The following FSIP2 variants were observed in gnomAD, a reference collection of about 807,000 sequenced individuals.
The protein encoded by FSIP2 is fibrous sheath interacting protein 2.
FSIP2 carries 367 observed loss-of-function variants against 510.5 expected under a neutral mutation model. The observed-to-expected ratio is 0.72, with a 90% CI of 0.66 to 0.78. The LOEUF is 0.78. Ranked by LOEUF, FSIP2 falls within the 30% of genes least tolerant of loss-of-function variation. The pLI, the probability that FSIP2 is intolerant of heterozygous loss-of-function variation, is 0.00. For synonymous variants in FSIP2, 2,601 were observed against 2,732.2 expected (o/e 0.95, Z 1.50); for missense variants, 7,594 against 7,901.7 (o/e 0.96, Z 1.48).
chr2:185,781,297 G>A (rs1476131452), intron 13 of FSIP2, among the ~76,000 whole-genome samples: 2 of 152,106 alleles, frequency 1.3e-5, no homozygotes, highest in African/African-American at 2.4e-5. Flanking sequence ...TTATAAAGTA[G>A]GCTTTGTGTT....
chr2:185,785,871 C>A (rs1052369209), intron 14 of FSIP2, among the ~76,000 whole-genome samples: 2 of 151,872 alleles, frequency 1.3e-5, no homozygotes, highest in Non-Finnish European at 2.9e-5. Context: ...TGGTCAGATG[C>A]CTTGCTACTC....
rs1459960262 is a variant in FSIP2 at position 185,806,771 on chromosome 2, C to G, written c.17465C>G (p.Ala5822Gly). 1 of 1,611,648 alleles carries G rather than the reference C, an allele frequency of 6.2e-7. No homozygotes were observed. The highest frequency in any genetic ancestry group is 8.5e-7 in the Non-Finnish European group (1 of 1,178,540). Residue 5822 changes from alanine (A) to glycine (G), a missense_variant, in exon 17 of 23, where the codon GCC becomes GGC. Ala to Gly is a moderately conservative substitution (Grantham distance 60, BLOSUM62 0). Transcript: ENST00000424728. ...CQNVSDKQNQ[A>G]KLYDTAMKLI... Reference sequence around the variant, plus strand: ...AATGTTAGTGATAAGCAAAATCAAGCCAAACTCTATGACACTGCTATGAAA... The same window carrying G: ...AATGTTAGTGATAAGCAAAATCAAGGCAAACTCTATGACACTGCTATGAAA...
In FSIP2 at chr2:185,789,602, C is replaced by T. The variant is rs1396765113; in HGVS notation, c.2466C>T (p.Asp822=). The change falls in exon 16 of 23, where the codon GAC becomes GAT. Residue 822 remains aspartate (D), a synonymous_variant. Coordinates refer to ENST00000424728, the MANE Select transcript of FSIP2 (RefSeq NM_173651.4). Reference sequence around the variant, plus strand: ...ACCCAATGTGTGATATTGCAGAGGACATGGTGCATGCCATTTTAGAAAAGC... The same window carrying T: ...ACCCAATGTGTGATATTGCAGAGGATATGGTGCATGCCATTTTAGAAAAGC... ...TLDPMCDIAE[D]MVHAILEKLM... is the part of the protein sequence containing the mutation. The T allele has an allele frequency of 1.0e-5, 16 of 1,534,856 alleles. No homozygotes were observed. The highest frequency in any genetic ancestry group is 1.3e-5 in the Non-Finnish European group (15 of 1,145,886).
At chr2:185,797,840 G>A (rs1693328290) in intron 16 of FSIP2, 2 of 239,206 alleles carry the variant, frequency 8.4e-6, no homozygotes, top group Non-Finnish European at 1.6e-5. Context: ...CCACAGGCAT[G>A]CCACTGCACT....
At chr2:185,821,883 AC>A (rs1346896989) in intron 19 of FSIP2, among the ~76,000 whole-genome samples, 3 of 150,790 alleles carry the variant, frequency 2.0e-5, no homozygotes, top group Non-Finnish European at 4.4e-5. Flanking sequence ...CTGTGATCAC[AC>A]CACTTCGCTC....
At chr2:185,786,404 G>T in intron 15 of FSIP2, 116 bp downstream of exon 15, 2 of 689,238 alleles carry the variant, frequency 2.9e-6, no homozygotes, top group Non-Finnish European at 4.8e-6. Context: ...TATTTGTTAG[G>T]CTTCCTTTTT....
intron 3 of FSIP2, 124 bp downstream of exon 3, chr2:185,743,418 T>C (rs1032344682): frequency 4.5e-6 from 2 of 446,848 alleles, no homozygotes; most frequent in Non-Finnish European, 7.6e-6. Flanking sequence ...CAATACTTAA[T>C]AGGCAGTTCT....
chr2:185,767,934 G>C (rs180980387), intron 13 of FSIP2, among the ~76,000 whole-genome samples: 1 of 152,200 alleles, frequency 6.6e-6, no homozygotes, highest in East Asian at 1.9e-4. Flanking sequence ...TAATTGTTGA[G>C]GAACCTTCAT....
At chr2:185,757,082 C>T (rs1315550123) in intron 9 of FSIP2, among the ~76,000 whole-genome samples, 1 of 151,282 alleles carries the variant, frequency 6.6e-6, no homozygotes, top group East Asian at 1.9e-4. Context: ...TTACAACATA[C>T]CAAAGGATTA....
Position 185,739,222 on chromosome 2 carries a change from AG to A in FSIP2, c.100-122del. 6.6e-6 allele frequency: 8 copies of A among 1,205,550 alleles called. No homozygotes were observed. The South Asian group carries it at 1.3e-4, about 19-fold the overall frequency. The allele number at this position is 1,205,550 out of a possible 1,614,324, so 74.7% of individuals were successfully genotyped here. The stretch of plus-strand genomic sequence containing the variant: ...TGACCAGGGAAAACGGGAGGACTTC[AG>A]GATGCCCCGAACCCTGATTGTATAA... On this transcript the variant is annotated intron_variant, in intron 1 of 22. Coordinates refer to ENST00000424728, the MANE Select transcript of FSIP2 (RefSeq NM_173651.4).
chr2:185,796,997 A>C lies in FSIP2; in HGVS notation c.9861A>C (p.Gln3287His), dbSNP rs1229890563. The stretch of plus-strand genomic sequence containing the variant: ...ACTCCACAGAAGCAGCATTAAAGCA[A>C]GTCTTGTCATTCATAGAAATGGGAA... ...ASDSTEAALKQVLSFIEMGKG... is the reference protein window; with the variant it reads ...ASDSTEAALKHVLSFIEMGKG... The change falls in exon 16 of 23, where the codon CAA (glutamine) becomes CAC (histidine). Residue 3287 changes from glutamine to histidine, a missense_variant. Physicochemically the swap from Gln to His is conservative, Grantham distance 24. Transcript: ENST00000424728. 6.5e-7 allele frequency: 1 copy of C among 1,535,186 alleles called. No individual in the cohort carries two copies.
chr2:185,774,389 T>C (rs1692674167), intron 13 of FSIP2, among the ~76,000 whole-genome samples: 1 of 152,240 alleles, frequency 6.6e-6, no homozygotes, highest in South Asian at 2.1e-4. Context: ...AAAGTGTCTT[T>C]AGTTAATAAT....
At chr2:185,738,654 G>T (rs757130728), upstream of FSIP2, 3 of 1,535,960 alleles carry the variant, frequency 2.0e-6, no homozygotes, top group Admixed American at 3.9e-5. Context: ...GGTCCTCTCA[G>T]ATCAGGCCTC....
intron 9 of FSIP2, among the ~76,000 whole-genome samples, chr2:185,759,597 A>C (rs1030043018): frequency 2.0e-5 from 2 of 98,160 alleles, no homozygotes; most frequent in Non-Finnish European, 4.4e-5. Context: ...AATTATGATT[A>C]CTATATTATT....
chr2:185,760,513 A>G (rs970202716), intron 9 of FSIP2, among the ~76,000 whole-genome samples: 1 of 147,660 alleles, frequency 6.8e-6, no homozygotes, highest in Admixed American at 6.8e-5. Flanking sequence ...ATTATAATAA[A>G]ATAATATAAA....
Position 185,791,185 on chromosome 2 carries a change from A to G in FSIP2, c.4049A>G (p.Asp1350Gly), listed in dbSNP as rs974397933. The G allele has an allele frequency of 6.5e-7, 1 of 1,533,770 alleles. No individual in the cohort carries two copies. The highest frequency in any genetic ancestry group is 8.7e-7 in the Non-Finnish European group (1 of 1,145,320). The change falls in exon 16 of 23, where the codon GAT (aspartate) becomes GGT (glycine). Residue 1350 changes from aspartate (D) to glycine (G), a missense_variant. Transcript: ENST00000424728. ...KLESLVTSID[D>G]DILASPLLTC... ...GAATCTCTTGTCACGAGTATTGATG[A>G]TGACATTTTGGCGAGTCCATTATTA... is the stretch of plus-strand genomic sequence containing the variant.
Position 185,761,052 on chromosome 2 carries a change from A to G in FSIP2, c.1143A>G (p.Ser381=), listed in dbSNP as rs921996398. The G allele has an allele frequency of 1.9e-5, 28 of 1,507,002 alleles. No homozygotes were observed. The highest frequency in any genetic ancestry group is 2.4e-5 in the Non-Finnish European group (27 of 1,124,422). The allele number at this position is 1,507,002 out of a possible 1,614,324, so 93.4% of individuals were successfully genotyped here. ...NSSNNFTKKN[S]ASVVYQADVQ... The stretch of plus-strand genomic sequence containing the variant: ...CAAATAATTTTACGAAAAAAAACTC[A>G]GCTTCTGTTGTTTATCAGGCAGATG... Residue 381 remains serine (S), a synonymous_variant, in exon 10 of 23, where the codon TCA becomes TCG. Coordinates refer to ENST00000424728, the MANE Select transcript of FSIP2 (RefSeq NM_173651.4).
rs1286962651 is a variant in FSIP2 at position 185,802,113 on chromosome 2, T to G, written c.12807T>G (p.Cys4269Trp). The G allele has an allele frequency of 5.9e-6, 9 of 1,533,334 alleles. No homozygotes were observed. The highest frequency in any genetic ancestry group is 2.7e-5 in the African/African-American group (2 of 72,830). The allele number at this position is 1,533,334 out of a possible 1,614,324, so 95.0% of individuals were successfully genotyped here. A position where few individuals can be genotyped will look rare whatever the true frequency, so the allele number is the denominator to read the frequency against. Residue 4269 changes from cysteine to tryptophan, a missense_variant, in exon 17 of 23, where the codon TGT becomes TGG. Physicochemically the swap from Cys to Trp is radical, Grantham distance 215. Transcript: ENST00000424728. ...CATTTTTGAGTGGAGAGGTTTTATG[T>G]CATCCAAGGACTCCACTGGATCCAG... The part of the protein sequence containing the change: ...LQPFLSGEVL[C>W]HPRTPLDPVS...
In FSIP2 at chr2:185,831,775, G is replaced by T. The variant is rs776278679; in HGVS notation, c.20518-38G>T. 3 of 1,363,882 alleles carry T rather than the reference G, an allele frequency of 2.2e-6. No individual in the cohort carries two copies. In the South Asian group the frequency reaches 3.5e-5, roughly 16 times the overall value. 84.5% of individuals were successfully genotyped at this position (1,363,882 alleles called of 1,614,324 possible). The stretch of plus-strand genomic sequence containing the variant: ...TGGGTATATCTAGTGTTTGTGTCCA[G>T]TGAAAGACTCAGTTTGTATTTCAAT... On this transcript the variant is annotated intron_variant, in intron 21 of 22. Transcript: ENST00000424728.
Sources: gnomAD v4.1 joint callset for allele counts (sites outside exome capture counted in the v4.1 genomes callset) on GRCh38, gnomAD v4.1.1 for gene constraint, MANE v1.5 for transcripts, NCBI Gene and HGNC (gene_info 2026-07-23, HGNC 2026-07-21) for gene names.